The following ALDH3B1 variants were observed in gnomAD, a reference collection of about 807,000 sequenced individuals.
The protein encoded by ALDH3B1 is aldehyde dehydrogenase family 3 member B1.
Under a neutral mutation model 46.2 loss-of-function variants are expected in ALDH3B1, and 37 were observed. The ratio of observed to expected loss-of-function variants is 0.80; its 90% confidence interval spans 0.62 to 1.05. ALDH3B1 has a LOEUF of 1.05. Ranked by LOEUF, ALDH3B1 falls within the 50% of genes least tolerant of loss-of-function variation. The pLI is 0.00. For synonymous variants in ALDH3B1, 283 were observed against 281.0 expected (o/e 1.01, Z -0.07); for missense variants, 603 against 665.5 (o/e 0.91, Z 1.03).
At position 68,018,777 on chromosome 11, in the gene ALDH3B1, C is replaced by T. The variant is rs1428080836; in HGVS notation, c.278C>T (p.Thr93Met). 6 of 1,553,176 alleles carry T rather than the reference C, an allele frequency of 3.9e-6. No homozygotes were observed. The highest frequency in any genetic ancestry group is 1.2e-5 in the South Asian group (1 of 84,126). The change falls in exon 4 of 10, where the codon ACG becomes ATG. Residue 93 changes from threonine (T) to methionine (M), a missense_variant. Transcript: ENST00000342456. ...KDERVPKNLA[T>M]QLDSAFIRKE... ...CATCCCCGGCTCCCGGCCCAGGCCACGCAGCTGGACTCCGCCTTCATCCGG... is the reference window on the plus strand; with the variant it reads ...CATCCCCGGCTCCCGGCCCAGGCCATGCAGCTGGACTCCGCCTTCATCCGG...
intron 1 of ALDH3B1, chr11:68,015,075 T>C (rs1467836115): frequency 6.4e-6 from 3 of 471,144 alleles, no homozygotes; most frequent in Non-Finnish European, 1.1e-5. Flanking sequence ...AGGGTCTTCA[T>C]GTGTGTCTGG....
At chr11:68,009,486 G>A (rs1033219337), upstream of ALDH3B1, among the ~76,000 whole-genome samples, 2 of 152,256 alleles carry the variant, frequency 1.3e-5, no homozygotes, top group South Asian at 2.1e-4. Flanking sequence ...GCAGACTTGC[G>A]TCAAGAGCCG....
intron 7 of ALDH3B1, among the ~76,000 whole-genome samples, chr11:68,022,279 G>A (rs1419236074): frequency 4.6e-5 from 7 of 152,286 alleles, no homozygotes; most frequent in Non-Finnish European, 8.8e-5. Context: ...ACACTGCGGC[G>A]CCAACATTCT....
At chr11:68,018,135 C>T (rs888027746) in intron 2 of ALDH3B1, 7 of 194,846 alleles carry the variant, frequency 3.6e-5, no homozygotes, top group Admixed American at 3.4e-4. Flanking sequence ...CTGCACTGAC[C>T]GCTTTGTAAA....
At chr11:68,023,023 G>A (rs185345556) in intron 8 of ALDH3B1, among the ~76,000 whole-genome samples, 1 of 152,146 alleles carries the variant, frequency 6.6e-6, no homozygotes, top group Non-Finnish European at 1.5e-5. Flanking sequence ...TTTCCTCTAG[G>A]TCAGCCCCTG....
Position 68,021,664 on chromosome 11 carries a change from G to A in ALDH3B1, c.742G>A (p.Asp248Asn), listed in dbSNP as rs373482189. 52 of 1,613,840 alleles carry A rather than the reference G, an allele frequency of 3.2e-5. No individual in the cohort carries two copies. The highest frequency in any genetic ancestry group is 4.5e-5 in the East Asian group (2 of 44,874). The change falls in exon 7 of 10, where the codon GAC (aspartate) becomes AAC (asparagine). Residue 248 changes from aspartate (D) to asparagine (N), a missense_variant. Transcript: ENST00000342456. ...CGCCGGCCAGACCTGCGTGGCCCCC[G>A]ACTACGTCCTATGCAGCCCTGAGAT... Reference protein sequence around the residue: ...FNAGQTCVAPDYVLCSPEMQE... With the variant: ...FNAGQTCVAPNYVLCSPEMQE...
intron 6 of ALDH3B1, among the ~76,000 whole-genome samples, chr11:68,021,029 G>A (rs2134392879): frequency 6.6e-6 from 1 of 152,342 alleles, no homozygotes; most frequent in Middle Eastern, 3.4e-3. Flanking sequence ...TGGGCAGGTG[G>A]CAGAACTTCC....
At chr11:68,009,907 G>T (rs1472435112), upstream of ALDH3B1, among the ~76,000 whole-genome samples, 8 of 152,048 alleles carry the variant, frequency 5.3e-5, no homozygotes, top group Admixed American at 1.3e-4. Context: ...GGCTGGGAGT[G>T]GGGGGTCGAG....
chr11:68,025,960 A>T, intron 8 of ALDH3B1, 49 bp from the exon 9 acceptor site: 1 of 1,384,114 alleles, frequency 7.2e-7, no homozygotes, highest in Non-Finnish European at 9.8e-7. Flanking sequence ...GGTCCTGAGG[A>T]TCCTGATGGG....
rs1854631610 is a variant in ALDH3B1 at position 68,028,240 on chromosome 11, G to C, written c.*301G>C. ...AGAAGAGGACAGACACGGCACCTCT[G>C]AGTCACCCCTCTCCTGTGGAGCGGG... is the stretch of plus-strand genomic sequence containing the variant. On this transcript the variant is annotated 3_prime_UTR_variant, in exon 10 of 10. Coordinates refer to ENST00000342456, the MANE Select transcript of ALDH3B1 (RefSeq NM_000694.4). 2 of 561,418 alleles carry C rather than the reference G, an allele frequency of 3.6e-6. No individual in the cohort carries two copies. Among genetic ancestry groups the C allele is most frequent in the Admixed American group, 4.5e-5 (2 of 44,800 alleles). The allele number at this position is 561,418 out of a possible 1,614,324, so 34.8% of individuals were successfully genotyped here. A position where few individuals can be genotyped will look rare whatever the true frequency, so the allele number is the denominator to read the frequency against.
At chr11:68,010,858 T>C (rs1857214726) in intron 1 of ALDH3B1, among the ~76,000 whole-genome samples, 1 of 152,204 alleles carries the variant, frequency 6.6e-6, no homozygotes, top group South Asian at 2.1e-4. Flanking sequence ...TGGGAAAGAA[T>C]CATTCTTAGC....
intron 2 of ALDH3B1, chr11:68,015,842 G>A: frequency 2.8e-6 from 1 of 361,472 alleles, no homozygotes; most frequent in Non-Finnish European, 5.5e-6. Context: ...GAGGTGGGCG[G>A]ATCGCTTGAG....
chr11:68,019,309 G>C, intron 5 of ALDH3B1, 54 bp downstream of exon 5: 2 of 1,497,868 alleles, frequency 1.3e-6, no homozygotes, highest in South Asian at 2.4e-5. Flanking sequence ...TCAAGGGCTG[G>C]GCAGCCCCTG....
chr11:68,026,308 C>CA (rs1055190518), intron 9 of ALDH3B1, among the ~76,000 whole-genome samples, 200 bp downstream of exon 9: 3 of 151,740 alleles, frequency 2.0e-5, no homozygotes, highest in South Asian at 4.1e-4. Flanking sequence ...GACCCCATCT[C>CA]AAAAAAAAGT....
chr11:68,012,760 C>T (rs1220173986), intron 1 of ALDH3B1, among the ~76,000 whole-genome samples: 2 of 152,084 alleles, frequency 1.3e-5, no homozygotes, highest in Non-Finnish European at 2.9e-5. Flanking sequence ...TCCCTTCCCC[C>T]AAGGACTTGG....
At chr11:68,013,578 T>C (rs906732147) in intron 1 of ALDH3B1, among the ~76,000 whole-genome samples, 2 of 152,202 alleles carry the variant, frequency 1.3e-5, no homozygotes, top group Non-Finnish European at 2.9e-5. Flanking sequence ...CTTTGTCGAG[T>C]ACTTTCTGTG....
chr11:68,021,556 G>A lies in ALDH3B1; in HGVS notation c.634G>A (p.Gly212Arg). Residue 212 changes from glycine (G) to arginine (R), a missense_variant, in exon 7 of 10, where the codon GGG becomes AGG. Transcript: ENST00000342456. ...KHLTPVTLEL[G>R]GKNPCYVDDN... The stretch of plus-strand genomic sequence containing the variant: ...CCTGACACCTGTCACCCTGGAGCTG[G>A]GGGGCAAGAACCCTTGCTACGTGGA... 6.2e-7 allele frequency: 1 copy of A among 1,614,078 alleles called. No individual in the cohort carries two copies. The highest frequency in any genetic ancestry group is 8.5e-7 in the Non-Finnish European group (1 of 1,179,984).
At chr11:68,009,469 A>G (rs1000442220), upstream of ALDH3B1, among the ~76,000 whole-genome samples, 1 of 152,248 alleles carries the variant, frequency 6.6e-6, no homozygotes, top group African/African-American at 2.4e-5. Context: ...TTCAGCTGGG[A>G]GCATCAGCAG....
Position 68,015,391 on chromosome 11 carries a change from GGCCTGGGCCGC to G in ALDH3B1, c.95_105del (p.Gly32ValfsTer28). The G allele has an allele frequency of 2.6e-6, 4 of 1,553,544 alleles. No individual in the cohort carries two copies. Among genetic ancestry groups the G allele is most frequent in the Non-Finnish European group, 3.5e-6 (4 of 1,148,978 alleles). Reference sequence around the variant, plus strand: ...TGAGTTCCGGGCTGCGCAGCTCCAAGGCCTGGGCCGCTTCCTGCAAGAAAACAAGCAGCTTC... The same window carrying G: ...TGAGTTCCGGGCTGCGCAGCTCCAAGTTCCTGCAAGAAAACAAGCAGCTTC... On this transcript the variant is annotated frameshift_variant, in exon 2 of 10. Coordinates refer to ENST00000342456, the MANE Select transcript of ALDH3B1 (RefSeq NM_000694.4). LOFTEE classifies it high-confidence loss of function.
Sources: allele counts gnomAD v4.1 joint callset (sites outside exome capture counted in the v4.1 genomes callset), GRCh38; gene constraint gnomAD v4.1.1; transcripts MANE v1.5; gene names NCBI Gene and HGNC (gene_info 2026-07-23, HGNC 2026-07-21).